The following BRD4 variants were observed in gnomAD, a reference collection of about 807,000 sequenced individuals.
BRD4 encodes the protein bromodomain-containing protein 4.
Under a neutral mutation model 142.1 loss-of-function variants are expected in BRD4, and 16 were observed. The ratio of observed to expected loss-of-function variants is 0.11; its 90% CI spans 0.08 to 0.17. The LOEUF is 0.17. BRD4 is among the 10% of genes least tolerant of loss of function. The pLI is 1.00. For missense variants in BRD4, 1,424 were observed against 1,810.9 expected (o/e 0.79, Z 3.88); for synonymous variants, 833 against 707.5 (o/e 1.18, Z -2.82).
In BRD4 at chr19:15,242,985, T is replaced by C. The variant is rs930035134; in HGVS notation, c.3084A>G (p.Pro1028=). The change falls in exon 14 of 20, where the codon CCA becomes CCG. Residue 1028 remains proline, a synonymous_variant. Coordinates refer to ENST00000679869, the MANE Select transcript of BRD4 (RefSeq NM_001379291.1). ...QPPHPPPGQQ[P]PPPQPAKPQQ... Reference sequence around the variant, plus strand: ...GAGGCTTGGCAGGCTGCGGCGGGGGTGGCTGCTGGCCTGGGGGCGGATGGG... The same window carrying C: ...GAGGCTTGGCAGGCTGCGGCGGGGGCGGCTGCTGGCCTGGGGGCGGATGGG... 66 of 615,372 alleles carry C rather than the reference T, an allele frequency of 1.1e-4. No individual in the cohort carries two copies. In the South Asian group the frequency reaches 1.4e-3, roughly 13 times the overall value. 38.1% of individuals were successfully genotyped at this position (615,372 alleles called of 1,614,324 possible).
chr19:15,274,483 C>T (rs1294016011), intron 1 of BRD4, among the ~76,000 whole-genome samples: 4 of 152,186 alleles, frequency 2.6e-5, no homozygotes, highest in Non-Finnish European at 4.4e-5. Flanking sequence ...GATTAGATTT[C>T]TCCTAGAAAG....
chr19:15,298,950 A>C (rs1051850569), intron 1 of BRD4, among the ~76,000 whole-genome samples: 4 of 152,140 alleles, frequency 2.6e-5, no homozygotes, highest in African/African-American at 4.8e-5. Flanking sequence ...TGTCACCTTT[A>C]CAGGTCACAC....
chr19:15,264,712 G>C lies in BRD4; in HGVS notation c.904C>G (p.Pro302Ala). Residue 302 changes from proline to alanine, a missense_variant, in exon 6 of 20, where the codon CCC becomes GCC. Around this residue, in one of 16 missense-constraint regions of BRD4, gnomAD observed 86 missense variants for 79.9 expected, o/e 1.08. Coordinates refer to ENST00000679869, the MANE Select transcript of BRD4 (RefSeq NM_001379291.1). ...ADTTTPTTID[P>A]IHEPPSLPPE... is the part of the protein sequence containing the mutation. ...GGCAGCGAGGGTGGCTCGTGAATGG[G>C]GTCAATGGTGGTGGGGGTGGTGGTG... 6.2e-7 allele frequency: 1 copy of C among 1,612,894 alleles called. No homozygotes were observed. Among genetic ancestry groups the C allele is most frequent in the Non-Finnish European group, 8.5e-7 (1 of 1,179,960 alleles).
At chr19:15,301,892 T>G (rs922863609) in intron 1 of BRD4, among the ~76,000 whole-genome samples, 2 of 146,902 alleles carry the variant, frequency 1.4e-5, no homozygotes, top group Non-Finnish European at 3.0e-5. Context: ...AAAAAAAAGT[T>G]GCTGAGTCTC....
intron 11 of BRD4, among the ~76,000 whole-genome samples, chr19:15,250,519 A>C (rs2047332738): frequency 6.6e-6 from 1 of 152,210 alleles, no homozygotes. Flanking sequence ...GCTATTAAGA[A>C]ACACCCACAT....
chr19:15,318,717 C>T (rs1568411121), intron 1 of BRD4, among the ~76,000 whole-genome samples: 1 of 152,206 alleles, frequency 6.6e-6, no homozygotes, highest in Non-Finnish European at 1.5e-5. Flanking sequence ...CCTTCTGGAG[C>T]AAAGGCTCCA....
At chr19:15,248,828 T>C (rs1297430928) in intron 11 of BRD4, 3 of 289,476 alleles carry the variant, frequency 1.0e-5, no homozygotes, top group Non-Finnish European at 2.0e-5. Flanking sequence ...CCTGGACTGA[T>C]GTCACTGCAA....
At chr19:15,289,113 C>A (rs1039418323) in intron 1 of BRD4, among the ~76,000 whole-genome samples, 1 of 152,180 alleles carries the variant, frequency 6.6e-6, no homozygotes, top group Non-Finnish European at 1.5e-5. Flanking sequence ...GACACAGGCC[C>A]CATAGCTCTG....
intron 11 of BRD4, among the ~76,000 whole-genome samples, chr19:15,249,607 G>A (rs1479086996): frequency 5.3e-5 from 8 of 152,152 alleles, no homozygotes; most frequent in East Asian, 1.9e-4. Flanking sequence ...CTGAGCGCAC[G>A]CCGGCATTTC....
At chr19:15,266,836 G>A (rs1439786347) in intron 4 of BRD4, among the ~76,000 whole-genome samples, 1 of 152,152 alleles carries the variant, frequency 6.6e-6, no homozygotes, top group Non-Finnish European at 1.5e-5. Context: ...GTAGCTGCTG[G>A]AGAGTTTCCT....
chr19:15,306,523 C>T (rs1301884783), intron 1 of BRD4, among the ~76,000 whole-genome samples: 3 of 152,106 alleles, frequency 2.0e-5, no homozygotes, highest in Non-Finnish European at 2.9e-5. Context: ...CTCCCACCTA[C>T]GCCTGCCAAA....
chr19:15,307,933 G>A (rs527562910), intron 1 of BRD4, among the ~76,000 whole-genome samples: 1 of 151,378 alleles, frequency 6.6e-6, no homozygotes, highest in Non-Finnish European at 1.5e-5. Flanking sequence ...TGGCCAACAA[G>A]GCAAAACCCC....
At position 15,256,167 on chromosome 19, in the gene BRD4, T is replaced by C. The variant is rs930888218; in HGVS notation, c.1648A>G (p.Lys550Glu). The change falls in exon 9 of 20, where the codon AAG (lysine) becomes GAG (glutamate). Residue 550 changes from lysine (K) to glutamate (E), a missense_variant. Physicochemically the swap from Lys to Glu is moderately conservative, Grantham distance 56. Transcript: ENST00000679869. Reference sequence around the variant, plus strand: ...TCCACTTCCTCTTTCCTTTTGTGCTTTTCTTTTTTCTTTTCCTTCTTGTCT... The same window carrying C: ...TCCACTTCCTCTTTCCTTTTGTGCTCTTCTTTTTTCTTTTCCTTCTTGTCT... ...EKDKKEKKKEKHKRKEEVEEN... is the reference protein window; with the variant it reads ...EKDKKEKKKEEHKRKEEVEEN... 7 of 1,612,640 alleles carry C rather than the reference T, an allele frequency of 4.3e-6. No homozygotes were observed. Among genetic ancestry groups the C allele is most frequent in the Non-Finnish European group, 5.9e-6 (7 of 1,179,978 alleles).
intron 1 of BRD4, among the ~76,000 whole-genome samples, chr19:15,275,407 A>G (rs1467401777): frequency 6.6e-6 from 1 of 152,214 alleles, no homozygotes; most frequent in Non-Finnish European, 1.5e-5. Flanking sequence ...CAGGAGTGGA[A>G]ACACCAGGTC....
rs781044333 is a variant in BRD4, at chr19:15,244,563, G to C, written c.2249C>G (p.Pro750Arg). The C allele has an allele frequency of 1.9e-6, 3 of 1,604,448 alleles. No individual in the cohort carries two copies. Among genetic ancestry groups the C allele is most frequent in the Non-Finnish European group, 2.5e-6 (3 of 1,179,370 alleles). ...HHHHQQMQQA[P>R]APVPQQPPPP... is the part of the protein sequence containing the mutation. Reference sequence around the variant, plus strand: ...GGGCGGCTGCTGGGGCACAGGAGCCGGGGCCTGCTGCATCTGCTGATGGTG... The same window carrying C: ...GGGCGGCTGCTGGGGCACAGGAGCCCGGGCCTGCTGCATCTGCTGATGGTG... The change falls in exon 13 of 20, where the codon CCG becomes CGG. Residue 750 changes from proline (P) to arginine (R), a missense_variant. By Grantham distance (103) the Pro-to-Arg change is moderately radical (BLOSUM62 -2). This residue lies in a region of BRD4 where 598 missense variants were observed against 647.8 expected (regional missense o/e 0.92). Coordinates refer to ENST00000679869, the MANE Select transcript of BRD4 (RefSeq NM_001379291.1).
Position 15,238,465 on chromosome 19 carries a change from G to A in BRD4, c.4021-20C>T, listed in dbSNP as rs2047211281. ...TGCCATCTGGAGGAGAAAGGAAGGA[G>A]GGAGTCAGGAGGATGACCTAGCCAC... is the stretch of plus-strand genomic sequence containing the variant. On this transcript the variant is annotated intron_variant, in intron 19 of 19. Transcript: ENST00000679869. This position sits in a 1 kb window ranked among gnomAD's most constrained non-coding sequence, Gnocchi z 7.2. 6 of 1,613,838 alleles carry A rather than the reference G, an allele frequency of 3.7e-6. No individual in the cohort carries two copies. Among genetic ancestry groups the A allele is most frequent in the African/African-American group, 1.3e-5 (1 of 74,924 alleles).
intron 1 of BRD4, among the ~76,000 whole-genome samples, chr19:15,325,515 T>A (rs907795549): frequency 1.3e-5 from 2 of 152,140 alleles, no homozygotes; most frequent in African/African-American, 4.8e-5. Flanking sequence ...CTTCTACTTC[T>A]CACCACATTA....
chr19:15,328,278 T>C (rs1464602647), intron 1 of BRD4, among the ~76,000 whole-genome samples: 3 of 152,178 alleles, frequency 2.0e-5, no homozygotes. Flanking sequence ...GTGTTCAATG[T>C]TTAAAAAAAA....
At chr19:15,240,883 T>C (rs1200088487) in intron 14 of BRD4, among the ~76,000 whole-genome samples, 1 of 152,200 alleles carries the variant, frequency 6.6e-6, no homozygotes, top group Non-Finnish European at 1.5e-5. Context: ...AGGCTGCCCC[T>C]CTGCAACGCT....
Sources: allele counts gnomAD v4.1 joint callset (sites outside exome capture counted in the v4.1 genomes callset), GRCh38; gene constraint gnomAD v4.1.1; regional missense constraint gnomAD v4.1.1; non-coding constraint Gnocchi (gnomAD v3.1); transcripts MANE v1.5; gene names NCBI Gene and HGNC (gene_info 2026-07-23, HGNC 2026-07-21).